NCOA2: variants seen among roughly 807,000 people sequenced by gnomAD.
NCOA2 encodes nuclear receptor coactivator 2, also known as class E basic helix-loop-helix protein 75.
A neutral mutation model predicts 145.1 loss-of-function variants in NCOA2; 21 were observed. The observed-to-expected ratio is 0.14, with a 90% CI of 0.10 to 0.21. The LOEUF is 0.21. Among genes scored for constraint, NCOA2 ranks in the 10% least tolerant of loss-of-function variants. The pLI, the probability that NCOA2 is intolerant of heterozygous loss-of-function variation, is 1.00. For synonymous variants in NCOA2, 619 were observed against 637.5 expected (o/e 0.97, Z 0.44); for missense variants, 1,472 against 1,837.6 (o/e 0.80, Z 3.64).
chr8:70,279,963 A>G (rs1460173089), intron 2 of NCOA2, among the ~76,000 whole-genome samples: 2 of 152,216 alleles, frequency 1.3e-5, no homozygotes, highest in Non-Finnish European at 2.9e-5. Context: ...ACAAAAGGTA[A>G]TAAGTTCCAG....
intron 4 of NCOA2, among the ~76,000 whole-genome samples, chr8:70,210,570 T>C (rs1013788084): frequency 6.6e-6 from 1 of 152,208 alleles, no homozygotes; most frequent in Non-Finnish European, 1.5e-5. Context: ...AACAGAATGC[T>C]TATTAATTTA....
At chr8:70,269,127 T>A (rs1360012718) in intron 2 of NCOA2, among the ~76,000 whole-genome samples, 1 of 152,170 alleles carries the variant, frequency 6.6e-6, no homozygotes, top group Non-Finnish European at 1.5e-5. Flanking sequence ...TTTTTTAAAA[T>A]CAGTTATATA....
chr8:70,280,699 G>T (rs1159522405), intron 2 of NCOA2, among the ~76,000 whole-genome samples: 1 of 152,102 alleles, frequency 6.6e-6, no homozygotes, highest in Non-Finnish European at 1.5e-5. Context: ...GTATAGTACA[G>T]TAGAAAGAAC....
intron 4 of NCOA2, among the ~76,000 whole-genome samples, chr8:70,193,645 T>C (rs1027596543): frequency 1.3e-5 from 2 of 152,234 alleles, no homozygotes; most frequent in East Asian, 1.9e-4. Context: ...AGTTTAATCA[T>C]GTCAATCCCA....
chr8:70,137,545 G>C (rs555583541), intron 15 of NCOA2, among the ~76,000 whole-genome samples: 1 of 152,178 alleles, frequency 6.6e-6, no homozygotes, highest in African/African-American at 2.4e-5. Flanking sequence ...TCAAATAAAC[G>C]TATCTAGAAA....
At chr8:70,256,847 C>T (rs1823675120) in intron 2 of NCOA2, among the ~76,000 whole-genome samples, 1 of 152,156 alleles carries the variant, frequency 6.6e-6, no homozygotes, top group South Asian at 2.1e-4. Flanking sequence ...ACAGAGGGCA[C>T]CTGTGCCTAC....
intron 22 of NCOA2, among the ~76,000 whole-genome samples, chr8:70,116,123 CTTGCAGTGAGCCGAGA>C (rs1325990708): frequency 1.4e-5 from 2 of 143,616 alleles, no homozygotes; most frequent in African/African-American, 2.6e-5. Context: ...GGAGGCGGAG[CTTGCAGTGAGCCGAGA>C]TTGCGCCACT....
At chr8:70,451,237 A>AAAATATAT in the NCOA2 span, among the ~76,000 whole-genome samples, 5 of 69,526 alleles carry the variant, frequency 7.2e-5, no homozygotes, top group African/African-American at 3.8e-4. Flanking sequence ...AAAAAAAAAA[A>AAAATATAT]ATATATATAT....
chr8:70,303,001 C>G (rs923337635), intron 1 of NCOA2, among the ~76,000 whole-genome samples: 1 of 152,116 alleles, frequency 6.6e-6, no homozygotes, highest in African/African-American at 2.4e-5. Flanking sequence ...CTCTTGCCTA[C>G]CATGGTCAGA....
chr8:70,428,842 T>C, the NCOA2 span, among the ~76,000 whole-genome samples: 3 of 141,948 alleles, frequency 2.1e-5, no homozygotes, highest in Admixed American at 2.2e-4. Context: ...CAATCTAACA[T>C]GTGCCCATGC....
At chr8:70,130,420 G>C (rs745871075) in intron 16 of NCOA2, among the ~76,000 whole-genome samples, 16 of 152,146 alleles carry the variant, frequency 1.1e-4, no homozygotes, top group African/African-American at 1.7e-4. Flanking sequence ...CAACTCCACG[G>C]ATCACATTTT....
intron 1 of NCOA2, among the ~76,000 whole-genome samples, chr8:70,316,089 C>A (rs1293070406): frequency 6.6e-6 from 1 of 152,098 alleles, no homozygotes; most frequent in Non-Finnish European, 1.5e-5. Context: ...GAGAGTCATC[C>A]GCACGATGCA....
intron 2 of NCOA2, among the ~76,000 whole-genome samples, chr8:70,249,689 G>A (rs556948578): frequency 3.3e-5 from 5 of 152,202 alleles, no homozygotes; most frequent in African/African-American, 1.2e-4. Context: ...TAGGCCGGGT[G>A]CAGTGGCTCA....
chr8:70,118,051 G>A (rs1245128655), intron 22 of NCOA2, among the ~76,000 whole-genome samples: 3 of 152,092 alleles, frequency 2.0e-5, no homozygotes, highest in Non-Finnish European at 2.9e-5. Context: ...AATATTTGAG[G>A]GCCTTACCCT....
rs57313048 is a variant in NCOA2, at chr8:70,396,434, A to G, written c.-77+7266T>C. Among the ~76,000 whole-genome samples, 12 of 152,336 alleles carry G rather than the reference A, an allele frequency of 7.9e-5. No homozygotes were observed. In the East Asian group the frequency reaches 2.3e-3, roughly 29 times the overall value. On this transcript the variant is annotated intron_variant, in intron 1 of 22. Transcript: ENST00000452400. ...AGAATTACTGATCTATGTTACTTCA[A>G]TAAAGCACTGGGTAAGAGAGCTAAC...
intron 4 of NCOA2, among the ~76,000 whole-genome samples, chr8:70,199,154 A>G (rs960466002): frequency 1.3e-5 from 2 of 152,304 alleles, no homozygotes; most frequent in African/African-American, 4.8e-5. Flanking sequence ...GTACAGCTCA[A>G]AAGTAGAAAG....
At chr8:70,163,626 C>G (rs1813302022) in intron 7 of NCOA2, 60 bp from the exon 8 acceptor site, 1 of 1,314,538 alleles carries the variant, frequency 7.6e-7, no homozygotes, top group Non-Finnish European at 1.1e-6. Flanking sequence ...CAAACAAACC[C>G]AAGTGTATTT....
chr8:70,149,101 C>T (rs1811451294), intron 11 of NCOA2, among the ~76,000 whole-genome samples: 1 of 151,388 alleles, frequency 6.6e-6, no homozygotes, highest in African/African-American at 2.4e-5. Context: ...CTTGGACTTT[C>T]AATTTTGAAT....
chr8:70,443,967 G>T, the NCOA2 span, among the ~76,000 whole-genome samples: 20 of 152,130 alleles, frequency 1.3e-4, no homozygotes, highest in South Asian at 4.2e-3. Flanking sequence ...ATGCACACAC[G>T]CGTGCTTGCA....
Sources: allele counts gnomAD v4.1 joint callset (sites outside exome capture counted in the v4.1 genomes callset), GRCh38; gene constraint gnomAD v4.1.1; transcripts MANE v1.5; gene names NCBI Gene and HGNC (gene_info 2026-07-23, HGNC 2026-07-21).